The following MDH1B variants were observed in gnomAD, a reference collection of about 807,000 sequenced individuals.
The protein encoded by MDH1B is putative malate dehydrogenase 1B.
MDH1B carries 60 observed loss-of-function variants against 61.4 expected under a neutral mutation model. The ratio of observed to expected loss-of-function variants is 0.98; its 90% CI spans 0.79 to 1.21. The LOEUF is 1.21. Among genes scored for constraint, MDH1B ranks in the 50% most tolerant of loss-of-function variants. The probability of loss-of-function intolerance (pLI) is 0.00; values close to 1 mark genes in which losing one functional copy is unlikely to be tolerated. For synonymous variants in MDH1B, 236 were observed against 218.7 expected, an observed-to-expected ratio of 1.08 and a Z score of -0.70; for missense variants, 587 against 632.1, an observed-to-expected ratio of 0.93 and a Z score of 0.76.
chr2:206,751,115 A>C (rs762869392), intron 5 of MDH1B, 40 bp from the exon 6 acceptor site: 3 of 1,396,410 alleles, frequency 2.1e-6, no homozygotes, highest in Non-Finnish European at 2.9e-6. Flanking sequence ...ATAATAATGT[A>C]TGTTAATATA....
At chr2:206,763,836 T>A (rs1352440525) in intron 1 of MDH1B, among the ~76,000 whole-genome samples, 1 of 152,176 alleles carries the variant, frequency 6.6e-6, no homozygotes, top group African/African-American at 2.4e-5. Context: ...TAATTCATTA[T>A]CATCTTTCAG....
chr2:206,759,250 C>T (rs1688951805), intron 2 of MDH1B, among the ~76,000 whole-genome samples: 1 of 152,068 alleles, frequency 6.6e-6, no homozygotes, highest in Admixed American at 6.5e-5. Context: ...TTTTCTGTTC[C>T]TGTATTACTT....
intron 9 of MDH1B, among the ~76,000 whole-genome samples, chr2:206,743,914 G>T (rs1218093738): frequency 6.6e-6 from 1 of 152,094 alleles, no homozygotes; most frequent in East Asian, 1.9e-4. Context: ...AATTTCTACT[G>T]CCTCTGGTCT....
rs543850012 is a variant in MDH1B at position 206,757,449 on chromosome 2, T to C, written c.136-78A>G. ...AATTTCATACTTTAGAATTCAAACA[T>C]TAAAATACTAGGTTGCTTTTAATGT... On this transcript the variant is annotated intron_variant, in intron 2 of 11. Coordinates refer to ENST00000374412, the MANE Select transcript of MDH1B (RefSeq NM_001039845.3). The C allele has an allele frequency of 2.1e-6, 3 of 1,436,766 alleles. No homozygotes were observed. The East Asian group carries it at 6.8e-5, about 33-fold the overall frequency. 89.0% of individuals were successfully genotyped at this position (1,436,766 alleles called of 1,614,324 possible).
rs145586439 is a variant in MDH1B at position 206,755,343 on chromosome 2, C to T, written c.576G>A (p.Leu192=). 3.8e-5 allele frequency: 62 copies of T among 1,614,108 alleles called. No individual in the cohort carries two copies. Among genetic ancestry groups the T allele is most frequent in the Non-Finnish European group, 5.2e-5 (61 of 1,180,044 alleles). The stretch of plus-strand genomic sequence containing the variant: ...CCTTCGTGCAGATGGAGACACTGCG[C>T]AGGACGGGAGATGCCAGGTCTTGGG... ...VETQDLASPV[L]RSVSICTKVE... is the part of the protein sequence containing the mutation. Residue 192 remains leucine (L), a synonymous_variant, in exon 5 of 12, where the codon CTG becomes CTA. Coordinates refer to ENST00000374412, the MANE Select transcript of MDH1B (RefSeq NM_001039845.3).
rs939562339 is a variant in MDH1B, at chr2:206,741,244, C to A, written c.1409-140G>T. The A allele has an allele frequency of 7.3e-5, 79 of 1,084,464 alleles. No homozygotes were observed. The Middle Eastern group carries it at 1.4e-3, about 19-fold the overall frequency. 67.2% of individuals were successfully genotyped at this position (1,084,464 alleles called of 1,614,324 possible). On this transcript the variant is annotated intron_variant, in intron 9 of 11. Coordinates refer to ENST00000374412, the MANE Select transcript of MDH1B (RefSeq NM_001039845.3). ...TAAAAGACACATTTTACATTATAGTCCAATGTGTACATTTGTGTACATATT... is the reference window on the plus strand; with the variant it reads ...TAAAAGACACATTTTACATTATAGTACAATGTGTACATTTGTGTACATATT...
chr2:206,760,048 C>T (rs1281347840), intron 2 of MDH1B, among the ~76,000 whole-genome samples: 1 of 152,172 alleles, frequency 6.6e-6, no homozygotes, highest in Non-Finnish European at 1.5e-5. Context: ...CAACCAGAAT[C>T]CTGGAGGAGC....
intron 1 of MDH1B, among the ~76,000 whole-genome samples, chr2:206,762,026 A>AGT (rs750460432): frequency 1.4e-4 from 21 of 152,252 alleles, no homozygotes; most frequent in South Asian, 1.2e-3. Context: ...GCTGGGTCCT[A>AGT]CCTGCTAGCC....
chr2:206,759,759 C>A (rs913435207), intron 2 of MDH1B, among the ~76,000 whole-genome samples: 22 of 152,152 alleles, frequency 1.4e-4, no homozygotes, highest in Admixed American at 1.3e-4. Context: ...ACCTGAACTC[C>A]CTGGCAATTG....
At chr2:206,757,469 T>A in intron 2 of MDH1B, 98 bp from the exon 3 acceptor site, 2 of 1,108,898 alleles carry the variant, frequency 1.8e-6, no homozygotes, top group Non-Finnish European at 2.6e-6. Flanking sequence ...AGGTTGCTTT[T>A]AATGTCACTA....
At chr2:206,740,532 C>T (rs1054865258) in intron 10 of MDH1B, among the ~76,000 whole-genome samples, 2 of 152,082 alleles carry the variant, frequency 1.3e-5, no homozygotes, top group African/African-American at 4.8e-5. Context: ...TGGACCTGCA[C>T]AGTTCAAACC....
At position 206,757,093 on chromosome 2, in the gene MDH1B, AT is replaced by A. The variant is rs1239539487; in HGVS notation, c.271-54del. 32 of 1,572,304 alleles carry A rather than the reference AT, an allele frequency of 2.0e-5. 1 individual carries two copies. In the African/African-American group the frequency reaches 4.0e-4, roughly 19 times the overall value. The stretch of plus-strand genomic sequence containing the variant: ...ATCAGAGAATAGATAACTAGTTGAA[AT>A]TGGCTATAATGGAAAGTTTTTGTTT... On this transcript the variant is annotated intron_variant, in intron 3 of 11. Transcript: ENST00000374412.
At chr2:206,758,328 C>T (rs963770457) in intron 2 of MDH1B, among the ~76,000 whole-genome samples, 5 of 152,180 alleles carry the variant, frequency 3.3e-5, no homozygotes, top group Admixed American at 2.6e-4. Context: ...AATCACTTTT[C>T]GGCAATTCAA....
rs77206464 is a variant in MDH1B, at chr2:206,747,164, C to A, written c.1217-738G>T. 3.2e-4 allele frequency among the ~76,000 whole-genome samples: 46 copies of A among 144,174 alleles called. No homozygotes were observed. In the East Asian group the frequency reaches 8.2e-3, roughly 26 times the overall value. 94.6% of individuals were successfully genotyped at this position (144,174 alleles called of 152,430 possible). A position where few individuals can be genotyped will look rare whatever the true frequency, so the allele number is the denominator to read the frequency against. ...CAAAAATATCACCAGGGCAAAAAAA[C>A]AAACAACAACAACAACAACAACAAA... On this transcript the variant is annotated intron_variant, in intron 7 of 11. Coordinates refer to ENST00000374412, the MANE Select transcript of MDH1B (RefSeq NM_001039845.3).
intron 9 of MDH1B, chr2:206,745,247 C>T (rs1688040739): frequency 2.8e-6 from 1 of 355,516 alleles, no homozygotes; most frequent in Non-Finnish European, 5.6e-6. Flanking sequence ...CTTTCTCAAG[C>T]CTTCAGAGAG....
At chr2:206,745,465 C>T (rs980723594) in intron 9 of MDH1B, 157 bp downstream of exon 9, 6 of 662,282 alleles carry the variant, frequency 9.1e-6, no homozygotes, top group Non-Finnish European at 1.6e-5. Flanking sequence ...TGTTTTATTT[C>T]AAAGGACACA....
chr2:206,741,870 G>A (rs1687832984), intron 9 of MDH1B, among the ~76,000 whole-genome samples: 1 of 152,060 alleles, frequency 6.6e-6, no homozygotes, highest in Non-Finnish European at 1.5e-5. Context: ...CAAATGCTAA[G>A]GACCTAAGGA....
chr2:206,751,215 C>T, intron 5 of MDH1B, 140 bp from the exon 6 acceptor site: 1 of 592,000 alleles, frequency 1.7e-6, no homozygotes, highest in East Asian at 2.9e-5. Flanking sequence ...GTTTATGATT[C>T]CTAAAATTGT....
chr2:206,747,406 A>G (rs1688179222), intron 7 of MDH1B, among the ~76,000 whole-genome samples: 1 of 152,210 alleles, frequency 6.6e-6, no homozygotes, highest in Non-Finnish European at 1.5e-5. Flanking sequence ...TTTGAATACA[A>G]TTCCTACAGA....
Sources: allele counts gnomAD v4.1 joint callset (sites outside exome capture counted in the v4.1 genomes callset), GRCh38; gene constraint gnomAD v4.1.1; transcripts MANE v1.5; gene names NCBI Gene and HGNC (gene_info 2026-07-23, HGNC 2026-07-21).